Variants in RABIF observed in about 807,000 individuals in gnomAD.
RABIF encodes RAB interacting factor.
Under a neutral mutation model 12.3 loss-of-function variants are expected in RABIF, and 13 were observed. The ratio of observed to expected loss-of-function variants is 1.06; its 90% CI spans 0.69 to 1.68. The LOEUF (loss-of-function observed/expected upper bound fraction) is 1.68. Among genes scored for constraint, RABIF ranks in the 40% most tolerant of loss-of-function variants. RABIF has a pLI of 0.00. For missense variants in RABIF, 153 were observed against 158.0 expected (o/e 0.97, Z 0.17); for synonymous variants, 70 against 63.3 (o/e 1.11, Z -0.50).
chr1:202,888,900 G>C, intron 1 of RABIF, 73 bp downstream of exon 1: 1 of 1,436,712 alleles, frequency 7.0e-7, no homozygotes, highest in Non-Finnish European at 9.2e-7. Context: ...GAAGAGCCGG[G>C]GTTCAGATTC....
In RABIF at chr1:202,879,705, G is replaced by A. The variant is rs1659459966; in HGVS notation, c.*1273C>T. ...CGGGGAGCCCTTAGAAAGTTTGGGG[G>A]TAAAGGAATGAGGAAGCAACTAGAA... On this transcript the variant is annotated 3_prime_UTR_variant, in exon 2 of 2. Transcript: ENST00000367262. 1 of 152,244 alleles carries A rather than the reference G, an allele frequency of 6.6e-6. No individual in the cohort carries two copies. The highest frequency in any genetic ancestry group is 2.4e-5 in the African/African-American group (1 of 41,448). The allele number at this position is 152,244 out of a possible 1,614,324, so 9.4% of individuals were successfully genotyped here. A position where few individuals can be genotyped will look rare whatever the true frequency, so the allele number is the denominator to read the frequency against.
chr1:202,888,964 C>T lies in RABIF; in HGVS notation c.126+9G>A. On this transcript the variant is annotated intron_variant, in intron 1 of 1. Coordinates refer to ENST00000367262, the MANE Select transcript of RABIF (RefSeq NM_002871.5). ...GTGGGTGTAAACGGCCTCCAACCTGCCTCCCTACCTGTCGGCGAGAGAAGA... is the reference window on the plus strand; with the variant it reads ...GTGGGTGTAAACGGCCTCCAACCTGTCTCCCTACCTGTCGGCGAGAGAAGA... The T allele has an allele frequency of 6.5e-7, 1 of 1,546,526 alleles. No individual in the cohort carries two copies. The highest frequency in any genetic ancestry group is 8.7e-7 in the Non-Finnish European group (1 of 1,144,534).
intron 1 of RABIF, among the ~76,000 whole-genome samples, chr1:202,887,029 GTTT>G (rs760590068): frequency 1.1e-4 from 3 of 26,196 alleles, no homozygotes; most frequent in East Asian, 7.4e-4. Flanking sequence ...GCTATGTTTT[GTTT>G]TTTTTTTTTT....
chr1:202,888,079 T>A (rs1203698322), intron 1 of RABIF, among the ~76,000 whole-genome samples: 1 of 152,234 alleles, frequency 6.6e-6, no homozygotes, highest in Non-Finnish European at 1.5e-5. Flanking sequence ...TACCTCTTGC[T>A]CTTCTACTAG....
rs1659440863 is a variant in RABIF, at chr1:202,878,443, G to A, written c.*2535C>T. On this transcript the variant is annotated 3_prime_UTR_variant, in exon 2 of 2. Coordinates refer to ENST00000367262, the MANE Select transcript of RABIF (RefSeq NM_002871.5). The stretch of plus-strand genomic sequence containing the variant: ...AAAGTCAAGTCGGCTCTCTTGGTGT[G>A]TTCACACAGATTTCTAAAGTATTTT... 6.6e-6 allele frequency among the ~76,000 whole-genome samples: 1 copy of A among 152,186 alleles called. No homozygotes were observed. The highest frequency in any genetic ancestry group is 1.5e-5 in the Non-Finnish European group (1 of 68,046).
intron 1 of RABIF, among the ~76,000 whole-genome samples, chr1:202,882,040 C>T (rs1271363385): frequency 6.6e-6 from 1 of 152,190 alleles, no homozygotes; most frequent in East Asian, 1.9e-4. Context: ...TGCACATTAG[C>T]TTGGGCAACA....
chr1:202,879,342 G>A lies in RABIF; in HGVS notation c.*1636C>T, dbSNP rs536886966. On this transcript the variant is annotated 3_prime_UTR_variant, in exon 2 of 2. Coordinates refer to ENST00000367262, the MANE Select transcript of RABIF (RefSeq NM_002871.5). ...CTACAGGTATACACCACTATGCCCA[G>A]GTAATTTTGTTCATTTTTTAAATAG... is the stretch of plus-strand genomic sequence containing the variant. 74 of 152,004 alleles carry A rather than the reference G, an allele frequency of 4.9e-4. No homozygotes were observed. Among genetic ancestry groups the A allele is most frequent in the African/African-American group, 1.8e-3 (74 of 41,438 alleles). The allele number at this position is 152,004 out of a possible 1,614,324, so 9.4% of individuals were successfully genotyped here. A position where few individuals can be genotyped will look rare whatever the true frequency, so the allele number is the denominator to read the frequency against.
chr1:202,888,707 G>C (rs1010537758), intron 1 of RABIF, among the ~76,000 whole-genome samples: 2 of 152,172 alleles, frequency 1.3e-5, no homozygotes, highest in Non-Finnish European at 2.9e-5. Flanking sequence ...AGCCCCCCCG[G>C]GGGCAGAGGG....
At chr1:202,881,809 C>G (rs910978242) in intron 1 of RABIF, among the ~76,000 whole-genome samples, 7 of 152,314 alleles carry the variant, frequency 4.6e-5, no homozygotes, top group African/African-American at 1.4e-4. Flanking sequence ...CATTATGCTT[C>G]AGGCACACTG....
chr1:202,880,994 C>T lies in RABIF; in HGVS notation c.356G>A (p.Arg119Gln), dbSNP rs749825581. ...DKNSFYVALE[R>Q]VSHE ...TCCCCTCAGTTACTCATGGGAAACT[C>T]GTTCCAAGGCCACATAGAAACTGTT... The change falls in exon 2 of 2, where the codon CGA becomes CAA. Residue 119 changes from arginine to glutamine, a missense_variant. Arg to Gln is a conservative substitution (Grantham distance 43). Around this residue, in one of 2 missense-constraint regions of RABIF, gnomAD observed 40 missense variants for 67.1 expected, o/e 0.60. Coordinates refer to ENST00000367262, the MANE Select transcript of RABIF (RefSeq NM_002871.5). 4.3e-6 allele frequency: 7 copies of T among 1,613,906 alleles called. No homozygotes were observed. Among genetic ancestry groups the T allele is most frequent in the South Asian group, 2.2e-5 (2 of 91,080 alleles).
chr1:202,887,024 G>GTCTTTTTTT (rs1659572515), intron 1 of RABIF, among the ~76,000 whole-genome samples: 1 of 90,692 alleles, frequency 1.1e-5, no homozygotes, highest in African/African-American at 4.0e-5. Context: ...TGTGGGCTAT[G>GTCTTTTTTT]TTTTGTTTTT....
At chr1:202,885,502 A>G (rs1659548696) in intron 1 of RABIF, among the ~76,000 whole-genome samples, 1 of 152,234 alleles carries the variant, frequency 6.6e-6, no homozygotes, top group Non-Finnish European at 1.5e-5. Flanking sequence ...GAGATGAGTA[A>G]CAGCCCTGCT....
chr1:202,885,232 G>A (rs1213163232), intron 1 of RABIF, among the ~76,000 whole-genome samples: 1 of 152,170 alleles, frequency 6.6e-6, no homozygotes, highest in Non-Finnish European at 1.5e-5. Context: ...ATGTCCTCTG[G>A]AGGTCTGGGG....
At position 202,881,086 on chromosome 1, in the gene RABIF, G is replaced by T. The variant is rs1364452202; in HGVS notation, c.264C>A (p.Asn88Lys). Residue 88 changes from asparagine to lysine, a missense_variant, in exon 2 of 2, where the codon AAC (asparagine) becomes AAA (lysine). Asn to Lys is a moderately conservative substitution (Grantham distance 94). Transcript: ENST00000367262. ...ENVGFTKDVG[N>K]IKFLVCADCE... ...AGTCTGCGCAGACCAGAAACTTGAT[G>T]TTGCCCACGTCCTTGGTGAAGCCCA... 1 of 1,614,138 alleles carries T rather than the reference G, an allele frequency of 6.2e-7. No individual in the cohort carries two copies. The highest frequency in any genetic ancestry group is 8.5e-7 in the Non-Finnish European group (1 of 1,180,034).
intron 1 of RABIF, among the ~76,000 whole-genome samples, chr1:202,888,714 A>C (rs1023840561): frequency 1.3e-5 from 2 of 152,112 alleles, no homozygotes; most frequent in Non-Finnish European, 2.9e-5. Context: ...CCGGGGGCAG[A>C]GGGCCGGGCT....
chr1:202,888,818 G>A (rs550102750), intron 1 of RABIF, among the ~76,000 whole-genome samples, 155 bp downstream of exon 1: 3 of 152,368 alleles, frequency 2.0e-5, no homozygotes, highest in South Asian at 2.1e-4. Flanking sequence ...CCCCAGGGGC[G>A]GAGCCTCGCC....
chr1:202,888,141 A>G (rs976755203), intron 1 of RABIF, among the ~76,000 whole-genome samples: 24 of 152,230 alleles, frequency 1.6e-4, no homozygotes, highest in Admixed American at 5.9e-4. Context: ...AATGATCTGC[A>G]TATTTTTAGA....
intron 1 of RABIF, among the ~76,000 whole-genome samples, chr1:202,885,224 G>A (rs1181470682): frequency 1.3e-5 from 2 of 152,010 alleles, no homozygotes; most frequent in Non-Finnish European, 2.9e-5. Context: ...ATTGCTACAT[G>A]TCCTCTGGAG....
intron 1 of RABIF, 135 bp downstream of exon 1, chr1:202,888,838 C>A: frequency 8.0e-7 from 1 of 1,250,424 alleles, no homozygotes; most frequent in Non-Finnish European, 1.1e-6. Context: ...CGAGCTGAGG[C>A]CCGAGGGGCG....
Sources: gnomAD v4.1 joint callset for allele counts (sites outside exome capture counted in the v4.1 genomes callset) on GRCh38, gnomAD v4.1.1 for gene constraint, gnomAD v4.1.1 regional missense constraint, MANE v1.5 for transcripts, NCBI Gene and HGNC (gene_info 2026-07-23, HGNC 2026-07-21) for gene names.